Variants in NIBAN1 observed in about 807,000 individuals in gnomAD.
NIBAN1 encodes niban apoptosis regulator 1.
NIBAN1 carries 81 observed loss-of-function variants against 75.1 expected under a neutral mutation model. That is an observed-to-expected ratio of 1.08 (90% CI 0.90 to 1.30). The LOEUF is 1.30. NIBAN1 is among the 50% of genes most tolerant of loss of function. NIBAN1 has a pLI of 0.00. For synonymous variants in NIBAN1, 436 were observed against 424.8 expected, an observed-to-expected ratio of 1.03 and a Z score of -0.32; for missense variants, 1,133 against 1,128.1, an observed-to-expected ratio of 1.00 and a Z score of -0.06.
At position 184,894,093 on chromosome 1, in the gene NIBAN1, C is replaced by T; in HGVS notation, c.300G>A (p.Glu100=). The change falls in exon 3 of 14, where the codon GAG becomes GAA. Residue 100 remains glutamate (E), a synonymous_variant. Coordinates refer to ENST00000367511, the MANE Select transcript of NIBAN1 (RefSeq NM_052966.4). ...GTCTTACCTCTTTATTCTCATAGCT[C>T]TCCACAGCATAATCATTTTTAACTA... ...YVVVKNDYAV[E]SYENKEAYQR... 1 of 1,608,814 alleles carries T rather than the reference C, an allele frequency of 6.2e-7. No individual in the cohort carries two copies. The highest frequency in any genetic ancestry group is 8.5e-7 in the Non-Finnish European group (1 of 1,178,102).
chr1:184,798,725 G>A (rs77267073), intron 12 of NIBAN1, among the ~76,000 whole-genome samples: 7,883 of 152,118 alleles, frequency 0.052, 236 homozygotes, highest in Middle Eastern at 0.065. Flanking sequence ...CCCAGATCAA[G>A]GAGAACATTT....
At chr1:184,796,364 C>T (rs1308886347) in intron 13 of NIBAN1, among the ~76,000 whole-genome samples, 1 of 152,162 alleles carries the variant, frequency 6.6e-6, no homozygotes, top group Non-Finnish European at 1.5e-5. Context: ...AAACTATAGC[C>T]TTTGTTTTCA....
At chr1:184,873,883 C>A (rs1656171402) in intron 5 of NIBAN1, among the ~76,000 whole-genome samples, 1 of 152,066 alleles carries the variant, frequency 6.6e-6, no homozygotes, top group African/African-American at 2.4e-5. Flanking sequence ...AAAAGTTTTT[C>A]CTCCTCTACA....
intron 4 of NIBAN1, 137 bp from the exon 5 acceptor site, chr1:184,884,937 G>A (rs1449414430): frequency 1.3e-5 from 14 of 1,107,442 alleles, no homozygotes; most frequent in Non-Finnish European, 1.8e-5. Flanking sequence ...ACAGGATAGG[G>A]AAACTGGGAG....
chr1:184,894,168 C>T lies in NIBAN1; in HGVS notation c.225G>A (p.Glu75=). 1 of 1,612,256 alleles carries T rather than the reference C, an allele frequency of 6.2e-7. No individual in the cohort carries two copies. Among genetic ancestry groups the T allele is most frequent in the Non-Finnish European group, 8.5e-7 (1 of 1,179,292 alleles). Reference sequence around the variant, plus strand: ...TTATGTCTTCAGAAAATTGTGATAGCTCTGCTTCATACAAAATAGTTCCAG... The same window carrying T: ...TTATGTCTTCAGAAAATTGTGATAGTTCTGCTTCATACAAAATAGTTCCAG... ...LAPGTILYEA[E]LSQFSEDIKK... The change falls in exon 3 of 14, where the codon GAG becomes GAA. Residue 75 remains glutamate, a synonymous_variant. Transcript: ENST00000367511.
At chr1:184,911,630 C>A (rs1657244277) in intron 1 of NIBAN1, among the ~76,000 whole-genome samples, 1 of 152,182 alleles carries the variant, frequency 6.6e-6, no homozygotes, top group East Asian at 1.9e-4. Flanking sequence ...GATTAAGAAT[C>A]TGTTTTGCAC....
chr1:184,883,157 C>A (rs1325695934), intron 5 of NIBAN1, among the ~76,000 whole-genome samples: 1 of 152,252 alleles, frequency 6.6e-6, no homozygotes, highest in African/African-American at 2.4e-5. Flanking sequence ...GTGAAATTAA[C>A]CATATTAGGA....
chr1:184,946,170 T>C (rs143496380), intron 1 of NIBAN1, among the ~76,000 whole-genome samples: 2 of 152,332 alleles, frequency 1.3e-5, no homozygotes, highest in African/African-American at 4.8e-5. Context: ...GCCAGATGTT[T>C]GGCACCAATG....
chr1:184,901,593 G>A (rs769639928), intron 1 of NIBAN1, among the ~76,000 whole-genome samples: 1 of 152,084 alleles, frequency 6.6e-6, no homozygotes, highest in Non-Finnish European at 1.5e-5. Context: ...CCACTGTTTG[G>A]TCTATCAGAA....
chr1:184,816,791 G>C (rs1654548559), intron 9 of NIBAN1, among the ~76,000 whole-genome samples: 1 of 151,494 alleles, frequency 6.6e-6, no homozygotes, highest in Admixed American at 6.6e-5. Context: ...ATTTACAATA[G>C]TGCTAGTAAC....
intron 4 of NIBAN1, among the ~76,000 whole-genome samples, chr1:184,885,021 C>T (rs1437007526): frequency 6.6e-6 from 1 of 152,106 alleles, no homozygotes; most frequent in Admixed American, 6.6e-5. Context: ...TACCCAACAT[C>T]ACAGGGACAG....
chr1:184,884,578 C>T, intron 5 of NIBAN1, 55 bp downstream of exon 5: 1 of 1,600,268 alleles, frequency 6.2e-7, no homozygotes, highest in Non-Finnish European at 8.5e-7. Flanking sequence ...CAGAACAACT[C>T]AGCGAGGGCT....
rs1656744140 is a variant in NIBAN1, at chr1:184,894,275, CA to C, written c.187-70del. The C allele has an allele frequency of 1.4e-5, 21 of 1,451,328 alleles. No individual in the cohort carries two copies. In the South Asian group the frequency reaches 2.9e-4, roughly 20 times the overall value. 89.9% of individuals were successfully genotyped at this position (1,451,328 alleles called of 1,614,324 possible). ...CACACCTTGTTACCACAAAGTTATC[CA>C]TGCTATTTCAAGGAATAGTTTAGGA... On this transcript the variant is annotated intron_variant, in intron 2 of 13. Transcript: ENST00000367511.
At chr1:184,865,173 G>C (rs1040311615) in intron 5 of NIBAN1, among the ~76,000 whole-genome samples, 5 of 152,134 alleles carry the variant, frequency 3.3e-5, no homozygotes, top group Admixed American at 2.6e-4. Context: ...ATGTAAGTTA[G>C]TTCAGCCACT....
intron 1 of NIBAN1, among the ~76,000 whole-genome samples, chr1:184,973,593 T>C (rs1411194381): frequency 2.0e-5 from 3 of 151,976 alleles, no homozygotes; most frequent in Non-Finnish European, 4.4e-5. Flanking sequence ...TCAGTTCGGT[T>C]TGGGTTTTGT....
At chr1:184,881,817 T>C (rs975054075) in intron 5 of NIBAN1, among the ~76,000 whole-genome samples, 2 of 152,168 alleles carry the variant, frequency 1.3e-5, no homozygotes, top group African/African-American at 4.8e-5. Flanking sequence ...GTCACTCTCA[T>C]TGCAATTTTA....
At position 184,806,066 on chromosome 1, in the gene NIBAN1, A is replaced by G. The variant is rs778236358; in HGVS notation, c.1336-10T>C. 2 of 1,609,764 alleles carry G rather than the reference A, an allele frequency of 1.2e-6. No individual in the cohort carries two copies. The highest frequency in any genetic ancestry group is 2.2e-5 in the East Asian group (1 of 44,862). ...CTGCATTCTCCATTAGCTAGAAACCAGAAGCGACACAGAAACAGACAACAG... is the reference window on the plus strand; with the variant it reads ...CTGCATTCTCCATTAGCTAGAAACCGGAAGCGACACAGAAACAGACAACAG... On this transcript the variant is annotated splice_polypyrimidine_tract_variant and intron_variant, in intron 10 of 13. Transcript: ENST00000367511.
intron 1 of NIBAN1, among the ~76,000 whole-genome samples, chr1:184,954,193 G>A (rs773886598): frequency 1.7e-4 from 26 of 152,140 alleles, no homozygotes; most frequent in Non-Finnish European, 3.4e-4. Context: ...GACTATTCTA[G>A]GACAAAAAGT....
chr1:184,793,180 A>G lies in NIBAN1; in HGVS notation c.*1797T>C, dbSNP rs1571460950. 1 of 152,358 alleles carries G rather than the reference A, an allele frequency of 6.6e-6. No individual in the cohort carries two copies. The highest frequency in any genetic ancestry group is 1.9e-4 in the East Asian group (1 of 5,186). 9.4% of individuals were successfully genotyped at this position (152,358 alleles called of 1,614,324 possible). ...GGTTAAATGGTTGAACTGTGTGTGAAGCAAATGCTCTAAAGAACTGACATA... is the reference window on the plus strand; with the variant it reads ...GGTTAAATGGTTGAACTGTGTGTGAGGCAAATGCTCTAAAGAACTGACATA... On this transcript the variant is annotated 3_prime_UTR_variant, in exon 14 of 14. Coordinates refer to ENST00000367511, the MANE Select transcript of NIBAN1 (RefSeq NM_052966.4).
Sources: allele counts gnomAD v4.1 joint callset (sites outside exome capture counted in the v4.1 genomes callset), GRCh38; gene constraint gnomAD v4.1.1; transcripts MANE v1.5; gene names NCBI Gene and HGNC (gene_info 2026-07-23, HGNC 2026-07-21).